RNF114: variants seen among roughly 807,000 people sequenced by gnomAD.
The protein encoded by RNF114 is ring finger protein 114.
Under a neutral mutation model 28.4 loss-of-function variants are expected in RNF114, and 6 were observed. The ratio of observed to expected loss-of-function variants is 0.21; its 90% CI spans 0.12 to 0.42. RNF114 has a LOEUF of 0.42. RNF114 is among the 10% of genes least tolerant of loss of function. The pLI is 1.00. For missense variants in RNF114, 249 were observed against 311.7 expected, an observed-to-expected ratio of 0.80 and a Z score of 1.51; for synonymous variants, 115 against 116.7, an observed-to-expected ratio of 0.99 and a Z score of 0.09.
At chr20:49,948,538 A>G (rs2090344028) in intron 4 of RNF114, among the ~76,000 whole-genome samples, 1 of 151,730 alleles carries the variant, frequency 6.6e-6, no homozygotes, top group East Asian at 1.9e-4. Context: ...CCAGGGTTCA[A>G]GCGATTCTCA....
intron 2 of RNF114, chr20:49,944,032 C>T (rs901422646): frequency 2.6e-5 from 4 of 151,676 alleles, no homozygotes; most frequent in Non-Finnish European, 2.9e-5. Context: ...CCGGTCTCTT[C>T]ATCTTTATTT....
At chr20:49,947,793 T>TTG (rs1194994734) in intron 4 of RNF114, among the ~76,000 whole-genome samples, 5 of 105,460 alleles carry the variant, frequency 4.7e-5, no homozygotes, top group African/African-American at 1.9e-4. Flanking sequence ...TTTTTTTTTT[T>TTG]TTTTTTTTTT....
chr20:49,947,769 G>GTTTTTTTTTTTTTTTTTTTT (rs71190519), intron 4 of RNF114, among the ~76,000 whole-genome samples: 3 of 50,422 alleles, frequency 5.9e-5, no homozygotes, highest in Non-Finnish European at 1.0e-4. Context: ...CCCTCTGCAA[G>GTTTTTTTTTTTTTTTTTTTT]TTTTTTTTTT....
At chr20:49,949,217 G>T in intron 4 of RNF114, 31 bp from the exon 5 acceptor site, 1 of 1,584,288 alleles carries the variant, frequency 6.3e-7, no homozygotes, top group South Asian at 1.1e-5. Context: ...TTGGAAATTG[G>T]GTGCCTAAGA....
chr20:49,949,059 G>A (rs757540815), intron 4 of RNF114, among the ~76,000 whole-genome samples, 189 bp from the exon 5 acceptor site: 1 of 152,182 alleles, frequency 6.6e-6, no homozygotes. Context: ...CCAGTCCCAC[G>A]TGTCATTTGA....
At chr20:49,942,234 G>A (rs1231954185) in intron 2 of RNF114, among the ~76,000 whole-genome samples, 3 of 152,058 alleles carry the variant, frequency 2.0e-5, no homozygotes, top group African/African-American at 7.2e-5. Context: ...ACTCCAGCCT[G>A]GCTGACAGCA....
At chr20:49,945,638 T>G (rs1298992846) in intron 3 of RNF114, 150 bp downstream of exon 3, 1 of 596,076 alleles carries the variant, frequency 1.7e-6, no homozygotes, top group Non-Finnish European at 3.0e-6. Context: ...AGGACTCTGG[T>G]GTTCACTTCA....
intron 3 of RNF114, 85 bp from the exon 4 acceptor site, chr20:49,946,051 T>C (rs1289060958): frequency 3.2e-6 from 2 of 634,012 alleles, no homozygotes; most frequent in Non-Finnish European, 5.5e-6. Flanking sequence ...TGAGCTTTGC[T>C]CCTTTTTGGA....
chr20:49,951,966 C>A, intron 5 of RNF114, 110 bp from the exon 6 acceptor site: 1 of 831,690 alleles, frequency 1.2e-6, no homozygotes, highest in Non-Finnish European at 2.0e-6. Flanking sequence ...GGGATCCGGT[C>A]CCTGGCAACC....
At chr20:49,936,617 G>C (rs2090287555) in intron 1 of RNF114, 65 bp downstream of exon 1, 22 of 1,543,794 alleles carry the variant, frequency 1.4e-5, no homozygotes, top group Non-Finnish European at 1.8e-5. Context: ...GCCGAGGAGC[G>C]AGATGGGTCT....
Position 49,946,261 on chromosome 20 carries a change from T to A in RNF114, c.513+11T>A, listed in dbSNP as rs1416155847. Reference sequence around the variant, plus strand: ...GATACCAAATCTGTGGTGAGTAACCTTTTTTTTTTTTTTTAAACTTCATTA... The same window carrying A: ...GATACCAAATCTGTGGTGAGTAACCATTTTTTTTTTTTTTAAACTTCATTA... On this transcript the variant is annotated intron_variant, in intron 4 of 5. Coordinates refer to ENST00000244061, the MANE Select transcript of RNF114 (RefSeq NM_018683.4). 4 of 355,568 alleles carry A rather than the reference T, an allele frequency of 1.1e-5. No individual in the cohort carries two copies. Among genetic ancestry groups the A allele is most frequent in the Middle Eastern group, 6.7e-4 (1 of 1,490 alleles). The allele number at this position is 355,568 out of a possible 1,614,324, so 22.0% of individuals were successfully genotyped here. A position where few individuals can be genotyped will look rare whatever the true frequency, so the allele number is the denominator to read the frequency against.
intron 1 of RNF114, 56 bp downstream of exon 1, chr20:49,936,608 C>G: frequency 2.6e-6 from 4 of 1,554,454 alleles, no homozygotes; most frequent in Non-Finnish European, 1.7e-6. Context: ...GGGAATGGAG[C>G]CGAGGAGCGA....
At position 49,952,446 on chromosome 20, in the gene RNF114, C is replaced by G; in HGVS notation, c.*305C>G. 1 of 519,928 alleles carries G rather than the reference C, an allele frequency of 1.9e-6. No homozygotes were observed. The highest frequency in any genetic ancestry group is 3.4e-6 in the Non-Finnish European group (1 of 291,652). 32.2% of individuals were successfully genotyped at this position (519,928 alleles called of 1,614,324 possible). A position where few individuals can be genotyped will look rare whatever the true frequency, so the allele number is the denominator to read the frequency against. ...TGTGGAAGATAATCTAGCTTCTCCA[C>G]CTCTTGTTTCACACTCATTCCTCCC... On this transcript the variant is annotated 3_prime_UTR_variant, in exon 6 of 6. Transcript: ENST00000244061.
chr20:49,947,784 T>G (rs796926877), intron 4 of RNF114, among the ~76,000 whole-genome samples: 108 of 84,602 alleles, frequency 1.3e-3, no homozygotes, highest in African/African-American at 4.8e-3. Context: ...TTTTTTTTTT[T>G]TTTTTTTTTT....
chr20:49,952,374 G>A lies in RNF114; in HGVS notation c.*233G>A, dbSNP rs1486856979. On this transcript the variant is annotated 3_prime_UTR_variant, in exon 6 of 6. Transcript: ENST00000244061. Reference sequence around the variant, plus strand: ...TGTTAACCTTGTTTGTCACACGGTCGAGTTCGTATTGGTTCTCGGCTACTT... The same window carrying A: ...TGTTAACCTTGTTTGTCACACGGTCAAGTTCGTATTGGTTCTCGGCTACTT... 12 of 552,510 alleles carry A rather than the reference G, an allele frequency of 2.2e-5. No individual in the cohort carries two copies. The highest frequency in any genetic ancestry group is 1.4e-4 in the East Asian group (5 of 35,178). 34.2% of individuals were successfully genotyped at this position (552,510 alleles called of 1,614,324 possible). A position where few individuals can be genotyped will look rare whatever the true frequency, so the allele number is the denominator to read the frequency against.
At chr20:49,939,636 A>G (rs1485433448) in intron 1 of RNF114, among the ~76,000 whole-genome samples, 8 of 151,770 alleles carry the variant, frequency 5.3e-5, no homozygotes, top group African/African-American at 1.2e-4. Context: ...TCCTGATTCT[A>G]CCTTTCTGTG....
intron 5 of RNF114, among the ~76,000 whole-genome samples, chr20:49,950,067 T>C (rs2090349532): frequency 6.6e-6 from 1 of 151,716 alleles, no homozygotes; most frequent in Non-Finnish European, 1.5e-5. Flanking sequence ...CTAGCCAACA[T>C]AGTGAAATCC....
rs1350630724 is a variant in RNF114, at chr20:49,949,311, G to A, written c.577G>A (p.Glu193Lys). 7 of 1,614,164 alleles carry A rather than the reference G, an allele frequency of 4.3e-6. No individual in the cohort carries two copies. Among genetic ancestry groups the A allele is most frequent in the Admixed American group, 1.7e-5 (1 of 60,020 alleles). Residue 193 changes from glutamate to lysine, a missense_variant, in exon 5 of 6, where the codon GAG (glutamate) becomes AAG (lysine). Around this residue, in one of 2 missense-constraint regions of RNF114, gnomAD observed 126 missense variants for 205.3 expected, o/e 0.61. Transcript: ENST00000244061. ...DPNYRSANFREHIQRRHRFSY... is the reference protein window; with the variant it reads ...DPNYRSANFRKHIQRRHRFSY... Reference sequence around the variant, plus strand: ...CAACTACCGCAGCGCCAACTTCAGAGAGCACATCCAGCGCCGGCACCGGTT... The same window carrying A: ...CAACTACCGCAGCGCCAACTTCAGAAAGCACATCCAGCGCCGGCACCGGTT...
At chr20:49,947,780 T>TG (rs2090339190) in intron 4 of RNF114, among the ~76,000 whole-genome samples, 1 of 23,940 alleles carries the variant, frequency 4.2e-5, no homozygotes, top group African/African-American at 1.9e-4. Flanking sequence ...TTTTTTTTTT[T>TG]TTTTTTTTTT....
Sources: gnomAD v4.1 joint callset for allele counts (sites outside exome capture counted in the v4.1 genomes callset) on GRCh38, gnomAD v4.1.1 for gene constraint, gnomAD v4.1.1 regional missense constraint, MANE v1.5 for transcripts, NCBI Gene and HGNC (gene_info 2026-07-23, HGNC 2026-07-21) for gene names.